MAP3K19: variants seen among roughly 807,000 people sequenced by gnomAD.
The protein encoded by MAP3K19 is mitogen-activated protein kinase kinase kinase 19.
Under a neutral mutation model 114.4 loss-of-function variants are expected in MAP3K19, and 91 were observed. The observed-to-expected ratio is 0.80, with a 90% CI of 0.67 to 0.95. The LOEUF (loss-of-function observed/expected upper bound fraction) is 0.95. Among genes scored for constraint, MAP3K19 ranks in the 40% least tolerant of loss-of-function variants. The pLI is 0.00. For missense variants in MAP3K19, 1,471 were observed against 1,573.2 expected, an observed-to-expected ratio of 0.94 and a Z score of 1.10; for synonymous variants, 518 against 530.5, an observed-to-expected ratio of 0.98 and a Z score of 0.32.
At chr2:135,042,846 C>T (rs1224089965) in intron 1 of MAP3K19, among the ~76,000 whole-genome samples, 1 of 152,028 alleles carries the variant, frequency 6.6e-6, no homozygotes, top group African/African-American at 2.4e-5. Context: ...CTTTGGGAGG[C>T]CGAGGGGAGG....
intron 8 of MAP3K19, 95 bp from the exon 9 acceptor site, chr2:134,991,675 G>A: frequency 1.0e-6 from 1 of 986,376 alleles, no homozygotes; most frequent in East Asian, 2.5e-5. Flanking sequence ...AGATGCTAAG[G>A]GGTCTGAGGA....
chr2:135,020,151 G>A (rs1687871893), intron 5 of MAP3K19, among the ~76,000 whole-genome samples: 1 of 152,106 alleles, frequency 6.6e-6, no homozygotes, highest in Admixed American at 6.6e-5. Context: ...CTGAGTAGCT[G>A]GGATTACAGG....
chr2:135,022,784 A>G (rs1688070057), intron 4 of MAP3K19, among the ~76,000 whole-genome samples: 1 of 152,220 alleles, frequency 6.6e-6, no homozygotes, highest in Admixed American at 6.5e-5. Flanking sequence ...TTTGGGATTA[A>G]TGGTTTGTGG....
intron 5 of MAP3K19, among the ~76,000 whole-genome samples, chr2:135,020,187 T>G (rs1687874712): frequency 6.6e-6 from 1 of 152,080 alleles, no homozygotes; most frequent in African/African-American, 2.4e-5. Context: ...CTGGCTAATT[T>G]TTTGTATTTT....
intron 11 of MAP3K19, 44 bp downstream of exon 11, chr2:134,983,631 TG>T (rs747273457): frequency 2.6e-4 from 233 of 896,168 alleles, no homozygotes; most frequent in Non-Finnish European, 3.1e-4. Context: ...GGAGGGACTG[TG>T]GGGGGGTGGG....
chr2:134,979,065 T>A (rs1684440195), intron 12 of MAP3K19, among the ~76,000 whole-genome samples: 3 of 152,220 alleles, frequency 2.0e-5, no homozygotes, highest in Non-Finnish European at 4.4e-5. Flanking sequence ...ATTATCTCTA[T>A]TTCTGAATCT....
chr2:135,016,322 C>T (rs989495914), intron 5 of MAP3K19, among the ~76,000 whole-genome samples: 18 of 152,180 alleles, frequency 1.2e-4, no homozygotes, highest in Non-Finnish European at 2.5e-4. Flanking sequence ...ATTCTTTCCC[C>T]TATTTCACTG....
Position 134,983,723 on chromosome 2 carries a change from T to C in MAP3K19, c.3175A>G (p.Ile1059Val). 1 of 1,598,792 alleles carries C rather than the reference T, an allele frequency of 6.3e-7. No individual in the cohort carries two copies. The highest frequency in any genetic ancestry group is 8.5e-7 in the Non-Finnish European group (1 of 1,175,754). ...SENSLKSEEP[I>V]LWTKGEILGK... The stretch of plus-strand genomic sequence containing the variant: ...AGAATCTCACCCTTGGTCCATAGGA[T>C]AGGTTCTTCAGACTTTAAACTATTT... Residue 1059 changes from isoleucine to valine, a missense_variant, in exon 11 of 13, where the codon ATC becomes GTC. Ile to Val is a conservative substitution (Grantham distance 29, BLOSUM62 3). Transcript: ENST00000392915.
intron 4 of MAP3K19, chr2:135,023,323 C>T (rs912082655): frequency 1.9e-5 from 8 of 425,314 alleles, no homozygotes; most frequent in East Asian, 7.1e-5. Context: ...ATGTCCCCAC[C>T]GCTCCTCTCT....
intron 12 of MAP3K19, among the ~76,000 whole-genome samples, chr2:134,979,639 C>T (rs919171060): frequency 7.1e-5 from 9 of 126,576 alleles, no homozygotes; most frequent in South Asian, 2.8e-4. Flanking sequence ...CACATTTATG[C>T]GGTTTTTTTT....
In MAP3K19 at chr2:134,981,508, C is replaced by T; in HGVS notation, c.3233G>A (p.Gly1078Asp). The T allele has an allele frequency of 6.2e-7, 1 of 1,609,064 alleles. No individual in the cohort carries two copies. The highest frequency in any genetic ancestry group is 1.3e-5 in the African/African-American group (1 of 74,754). The stretch of plus-strand genomic sequence containing the variant: ...TATTAGCTGTCCTTGACTAGTGAGA[C>T]CACAGTATACCTAGAAGCAAATCAA... ...GKGAYGTVYC[G>D]LTSQGQLIAV... is the part of the protein sequence containing the mutation. Residue 1078 changes from glycine (G) to aspartate (D), a missense_variant, in exon 12 of 13, where the codon GGT (glycine) becomes GAT (aspartate). Physicochemically the swap from Gly to Asp is moderately conservative, Grantham distance 94. Coordinates refer to ENST00000392915, the MANE Select transcript of MAP3K19 (RefSeq NM_025052.5).
chr2:134,971,094 T>C (rs1683847849), intron 12 of MAP3K19, among the ~76,000 whole-genome samples: 1 of 152,220 alleles, frequency 6.6e-6, no homozygotes, highest in Non-Finnish European at 1.5e-5. Context: ...ATGTTCTTTC[T>C]ATGCCTAGTT....
chr2:134,985,664 TCAAA>T (rs10582468), intron 10 of MAP3K19, 132 bp downstream of exon 10: 188,794 of 755,820 alleles, frequency 0.25, 27,457 homozygotes, highest in Middle Eastern at 0.56. Flanking sequence ...AACCTTGTGA[TCAAA>T]CAGTGAGACC....
intron 3 of MAP3K19, among the ~76,000 whole-genome samples, chr2:135,028,852 AC>A (rs1444339229): frequency 6.6e-6 from 1 of 152,186 alleles, no homozygotes; most frequent in Non-Finnish European, 1.5e-5. Flanking sequence ...TCAGCAGGGT[AC>A]TGTGGGAATT....
intron 3 of MAP3K19, 109 bp from the exon 4 acceptor site, chr2:135,024,850 T>C (rs1349356033): frequency 1.7e-5 from 9 of 532,124 alleles, no homozygotes; most frequent in African/African-American, 5.8e-5. Flanking sequence ...AGTAATCTTA[T>C]GTAGTTTGGG....
At position 134,999,837 on chromosome 2, in the gene MAP3K19, G is replaced by A. The variant is rs1573987406; in HGVS notation, c.314+100C>T. 1.2e-6 allele frequency: 1 copy of A among 806,250 alleles called. No homozygotes were observed. Among genetic ancestry groups the A allele is most frequent in the East Asian group, 2.5e-5 (1 of 39,250 alleles). 49.9% of individuals were successfully genotyped at this position (806,250 alleles called of 1,614,324 possible). A position where few individuals can be genotyped will look rare whatever the true frequency, so the allele number is the denominator to read the frequency against. On this transcript the variant is annotated intron_variant, in intron 7 of 12. Coordinates refer to ENST00000392915, the MANE Select transcript of MAP3K19 (RefSeq NM_025052.5). The surrounding 1 kb of genome is among the most constrained non-coding windows in gnomAD (Gnocchi z 4.1). ...TATTTATTGTGACCTCTACTTTTAAGCATTATTATGGATTCAATTACTAAT... is the reference window on the plus strand; with the variant it reads ...TATTTATTGTGACCTCTACTTTTAAACATTATTATGGATTCAATTACTAAT...
chr2:134,992,869 C>CG (rs1326653624), intron 8 of MAP3K19, among the ~76,000 whole-genome samples: 1 of 151,860 alleles, frequency 6.6e-6, no homozygotes, highest in Admixed American at 6.6e-5. Context: ...TTAGTAGACA[C>CG]GGGGTTTCAC....
chr2:135,021,086 G>C (rs7565871), intron 5 of MAP3K19, among the ~76,000 whole-genome samples: 40,096 of 151,766 alleles, frequency 0.26, 7,103 homozygotes, highest in African/African-American at 0.48. Context: ...GAGACACATA[G>C]ACACACACAC....
chr2:135,015,754 A>G (rs1687543498), intron 5 of MAP3K19, among the ~76,000 whole-genome samples: 1 of 151,988 alleles, frequency 6.6e-6, no homozygotes, highest in Non-Finnish European at 1.5e-5. Context: ...TTAGCCGGGC[A>G]TGGTGGTGCA....
Sources: allele counts gnomAD v4.1 joint callset (sites outside exome capture counted in the v4.1 genomes callset), GRCh38; gene constraint gnomAD v4.1.1; non-coding constraint Gnocchi (gnomAD v3.1); transcripts MANE v1.5; gene names NCBI Gene and HGNC (gene_info 2026-07-23, HGNC 2026-07-21).